The following POM121C variants were observed in gnomAD, a reference collection of about 807,000 sequenced individuals.
POM121C encodes the protein nuclear envelope pore membrane protein POM 121C.
Under a neutral mutation model 66.4 loss-of-function variants are expected in POM121C, and 20 were observed. The observed-to-expected ratio is 0.30, with a 90% CI of 0.21 to 0.44. POM121C has a LOEUF of 0.44. POM121C is among the 20% of genes least tolerant of loss of function. The pLI is 1.00. For missense variants in POM121C, 580 were observed against 1,225.7 expected, an observed-to-expected ratio of 0.47 and a Z score of 7.87; for synonymous variants, 286 against 528.0, an observed-to-expected ratio of 0.54 and a Z score of 6.28.
Position 75,422,013 on chromosome 7 carries a change from C to T in POM121C, c.2239G>A (p.Ala747Thr), listed in dbSNP as rs782590161. ...APAPATAPTP[A>T]PASTIKIVPA... is the part of the protein sequence containing the mutation. The stretch of plus-strand genomic sequence containing the variant: ...ACGATCTTGATCGTGGACGCAGGTG[C>T]AGGTGTGGGTGCAGTAGCCGGGGCC... The change falls in exon 13 of 15, where the codon GCA becomes ACA. Residue 747 changes from alanine to threonine, a missense_variant. By Grantham distance (58) the Ala-to-Thr change is moderately conservative. Coordinates refer to ENST00000615331, the MANE Select transcript of POM121C (RefSeq NM_001099415.3). 6.2e-7 allele frequency: 1 copy of T among 1,613,788 alleles called. No homozygotes were observed.
chr7:75,483,096 A>G (rs1792372535), intron 1 of POM121C, among the ~76,000 whole-genome samples: 3 of 152,094 alleles, frequency 2.0e-5, no homozygotes, highest in Non-Finnish European at 1.5e-5. Flanking sequence ...CTAGGACTCA[A>G]CAGTAAAAAC....
intron 3 of POM121C, among the ~76,000 whole-genome samples, chr7:75,461,102 T>C (rs879986165): frequency 1.4e-4 from 21 of 152,034 alleles, no homozygotes; most frequent in Admixed American, 4.6e-4. Context: ...AAGGGGAGCT[T>C]CAGACCTCAA....
At chr7:75,456,328 G>T (rs1791210879) in intron 3 of POM121C, among the ~76,000 whole-genome samples, 1 of 152,292 alleles carries the variant, frequency 6.6e-6, no homozygotes, top group Non-Finnish European at 1.5e-5. Context: ...TTTTACTTGA[G>T]GCTGAGGCTA....
chr7:75,433,234 C>CAAAAAAAAAAAA (rs782004307), intron 7 of POM121C, among the ~76,000 whole-genome samples: 1 of 44,254 alleles, frequency 2.3e-5, no homozygotes. Flanking sequence ...GACTCTGTCT[C>CAAAAAAAAAAAA]AAAAAAAAAA....
intron 3 of POM121C, among the ~76,000 whole-genome samples, chr7:75,447,587 T>C (rs1790867297): frequency 6.6e-6 from 1 of 151,902 alleles, no homozygotes. Context: ...AATGAAAATA[T>C]ATTTTAAGAA....
rs1792416255 is a variant in POM121C at position 75,484,114 on chromosome 7, A to G, written c.-458+1750T>C. On this transcript the variant is annotated intron_variant, in intron 1 of 14. Transcript: ENST00000615331. ...AAGACTCCATCTCAAAAAAAAGAAA[A>G]AAAAAAGTATGAATCCTTACAAACC... 2.7e-6 allele frequency: 4 copies of G among 1,461,698 alleles called. No homozygotes were observed. The East Asian group carries it at 9.5e-5, about 35-fold the overall frequency. 90.5% of individuals were successfully genotyped at this position (1,461,698 alleles called of 1,614,324 possible).
chr7:75,435,644 C>T, intron 7 of POM121C, among the ~76,000 whole-genome samples: 1 of 152,192 alleles, frequency 6.6e-6, no homozygotes, highest in East Asian at 1.9e-4. Context: ...ATATTGATTA[C>T]ATGTCCCTAG....
intron 13 of POM121C, chr7:75,421,012 A>C: frequency 5.5e-6 from 1 of 181,614 alleles, no homozygotes. Context: ...TTGCTCTGTC[A>C]CCTAGGCCAG....
At chr7:75,485,750 T>G (rs1273502176) in intron 1 of POM121C, 114 bp downstream of exon 1, 4 of 390,572 alleles carry the variant, frequency 1.0e-5, no homozygotes, top group South Asian at 7.3e-5. Context: ...ACCCAACACA[T>G]GTCTCTCCGG....
intron 7 of POM121C, among the ~76,000 whole-genome samples, chr7:75,431,603 C>CAA (rs71098029): frequency 1.7e-3 from 85 of 50,690 alleles, no homozygotes; most frequent in Middle Eastern, 0.017. Flanking sequence ...AACTCCGTCT[C>CAA]AAAAAAAAAA....
chr7:75,473,882 G>T (rs1554478989), intron 3 of POM121C, among the ~76,000 whole-genome samples: 1 of 151,810 alleles, frequency 6.6e-6, no homozygotes, highest in African/African-American at 2.4e-5. Context: ...TAGAGACGGG[G>T]TTTCACCGTT....
At position 75,440,937 on chromosome 7, in the gene POM121C, T is replaced by G. The variant is rs587637866; in HGVS notation, c.227+17A>C. On this transcript the variant is annotated intron_variant, in intron 5 of 14. Transcript: ENST00000615331. ...TCCAAGCGGGAAACTGGCTTAGTAC[T>G]CTCCTGAGCCTGTTACCTTCTTTTA... The G allele has an allele frequency of 2.5e-5, 40 of 1,613,992 alleles. No individual in the cohort carries two copies. The South Asian group carries it at 3.8e-4, about 16-fold the overall frequency.
chr7:75,472,886 C>T (rs1791929873), intron 3 of POM121C, among the ~76,000 whole-genome samples: 1 of 152,046 alleles, frequency 6.6e-6, no homozygotes, highest in African/African-American at 2.4e-5. Flanking sequence ...TATGTATTAT[C>T]TCAGCAAGTA....
chr7:75,418,829 C>G lies in POM121C; in HGVS notation c.2931G>C (p.Leu977=), dbSNP rs782132881. ...TGCGGGTGTGCTGCCTTCGGGCCTG[C>G]AGTCGCTGTCGAGCCCCTGGGGTCT... ...GSKTPGARQR[L]QARRQHTRKK Residue 977 remains leucine (L), a synonymous_variant, in exon 15 of 15, where the codon CTG becomes CTC. Transcript: ENST00000615331. 6.2e-7 allele frequency: 1 copy of G among 1,611,696 alleles called. No individual in the cohort carries two copies. Among genetic ancestry groups the G allele is most frequent in the African/African-American group, 1.3e-5 (1 of 74,840 alleles).
At chr7:75,484,071 C>A (rs1563162861) in intron 1 of POM121C, 1 of 714,672 alleles carries the variant, frequency 1.4e-6, no homozygotes, top group Non-Finnish European at 2.2e-6. Flanking sequence ...CACTGCACTG[C>A]AGCCTGGGCA....
At chr7:75,425,498 A>G in intron 9 of POM121C, 137 bp downstream of exon 9, 1 of 1,152,290 alleles carries the variant, frequency 8.7e-7, no homozygotes, top group Admixed American at 2.8e-5. Flanking sequence ...GAAGGAGAGG[A>G]AATCTCTCTC....
intron 3 of POM121C, among the ~76,000 whole-genome samples, chr7:75,474,498 AG>A (rs1240823963): frequency 2.8e-4 from 43 of 152,208 alleles, no homozygotes; most frequent in African/African-American, 1.0e-3. Flanking sequence ...ATGGGTCCCC[AG>A]TATAGGTTAG....
chr7:75,449,895 A>C (rs1234499223), intron 3 of POM121C, among the ~76,000 whole-genome samples: 8 of 152,146 alleles, frequency 5.3e-5, no homozygotes, highest in Admixed American at 5.2e-4. Flanking sequence ...GGTGCCTGTA[A>C]TCCCAGCTAT....
At position 75,421,847 on chromosome 7, in the gene POM121C, G is replaced by C. The variant is rs782331563; in HGVS notation, c.2405C>G (p.Ser802Cys). 9.3e-6 allele frequency: 15 copies of C among 1,610,240 alleles called. No individual in the cohort carries two copies. The Admixed American group carries it at 2.5e-4, about 27-fold the overall frequency. The change falls in exon 13 of 15, where the codon TCC (serine) becomes TGC (cysteine). Residue 802 changes from serine to cysteine, a missense_variant. By Grantham distance (112) the Ser-to-Cys change is moderately radical. Coordinates refer to ENST00000615331, the MANE Select transcript of POM121C (RefSeq NM_001099415.3). Reference sequence around the variant, plus strand: ...GCCGGAGCTGGTGGCTGCACCGAAGGAGAAGACAGCAGTGGAGCCGCCAAA... The same window carrying C: ...GCCGGAGCTGGTGGCTGCACCGAAGCAGAAGACAGCAGTGGAGCCGCCAAA... Reference protein sequence around the residue: ...PAFGGSTAVFSFGAATSSGFG... With the variant: ...PAFGGSTAVFCFGAATSSGFG...
Sources: allele counts gnomAD v4.1 joint callset (sites outside exome capture counted in the v4.1 genomes callset), GRCh38; gene constraint gnomAD v4.1.1; transcripts MANE v1.5; gene names NCBI Gene and HGNC (gene_info 2026-07-23, HGNC 2026-07-21).